Variants in GABRA4 observed in about 807,000 individuals in gnomAD.
GABRA4 encodes gamma-aminobutyric acid type A receptor subunit alpha4.
GABRA4 carries 12 observed loss-of-function variants against 49.7 expected under a neutral mutation model. The observed-to-expected ratio is 0.24, with a 90% CI of 0.15 to 0.39. GABRA4 has a LOEUF of 0.39. Ranked by LOEUF, GABRA4 falls within the 10% of genes least tolerant of loss-of-function variation. GABRA4 has a pLI of 1.00. For synonymous variants in GABRA4, 288 were observed against 240.2 expected, an observed-to-expected ratio of 1.20 and a Z score of -1.84; for missense variants, 506 against 686.0, an observed-to-expected ratio of 0.74 and a Z score of 2.93.
intron 7 of GABRA4, among the ~76,000 whole-genome samples, chr4:46,969,980 C>G (rs970521936): frequency 2.0e-5 from 3 of 151,338 alleles, no homozygotes; most frequent in African/African-American, 7.3e-5. Context: ...TGAGTTTCTC[C>G]AGTATACTTC....
At chr4:46,964,846 T>TC in intron 8 of GABRA4, 124 bp downstream of exon 8, 1 of 1,050,346 alleles carries the variant, frequency 9.5e-7, no homozygotes. Context: ...TTTATGTTTT[T>TC]CTGTATTTTT....
chr4:46,962,308 T>C (rs1722605731), intron 8 of GABRA4, among the ~76,000 whole-genome samples: 1 of 151,832 alleles, frequency 6.6e-6, no homozygotes, highest in Non-Finnish European at 1.5e-5. Flanking sequence ...TTTTTGTATG[T>C]CAATAGTTAA....
In GABRA4 at chr4:46,919,654, A is replaced by G. The variant is rs1010332204; in HGVS notation, c.*8571T>C. ...TGTACAACTAAACAAACAATTTTAA[A>G]ATTATTCAAGAGAAGAAAGAAGGGA... On this transcript the variant is annotated 3_prime_UTR_variant, in exon 9 of 9. Coordinates refer to ENST00000264318, the MANE Select transcript of GABRA4 (RefSeq NM_000809.4). 1 of 151,626 alleles carries G rather than the reference A, an allele frequency of 6.6e-6. No homozygotes were observed. The highest frequency in any genetic ancestry group is 2.4e-5 in the African/African-American group (1 of 41,426). 9.4% of individuals were successfully genotyped at this position (151,626 alleles called of 1,614,324 possible). A position where few individuals can be genotyped will look rare whatever the true frequency, so the allele number is the denominator to read the frequency against.
chr4:46,964,145 G>C (rs1280608547), intron 8 of GABRA4, among the ~76,000 whole-genome samples: 1 of 151,864 alleles, frequency 6.6e-6, no homozygotes, highest in Non-Finnish European at 1.5e-5. Flanking sequence ...CAAGTTAAGT[G>C]ACATAATCCA....
At chr4:46,942,317 G>T (rs756872461) in intron 8 of GABRA4, among the ~76,000 whole-genome samples, 2 of 151,966 alleles carry the variant, frequency 1.3e-5, no homozygotes, top group South Asian at 4.2e-4. Flanking sequence ...CCACTTCTTC[G>T]TCTGTCACTC....
rs1560454383 is a variant in GABRA4, at chr4:46,919,868, T to A, written c.*8357A>T. The A allele has an allele frequency of 6.6e-6, 1 of 151,716 alleles. No homozygotes were observed. Among genetic ancestry groups the A allele is most frequent in the Non-Finnish European group, 1.5e-5 (1 of 67,664 alleles). The allele number at this position is 151,716 out of a possible 1,614,324, so 9.4% of individuals were successfully genotyped here. ...TACAGACATTCAAAGTATTATCGCA[T>A]AGATACACCTTTGCATGAAAACCGG... On this transcript the variant is annotated 3_prime_UTR_variant, in exon 9 of 9. Transcript: ENST00000264318.
intron 8 of GABRA4, among the ~76,000 whole-genome samples, chr4:46,963,499 T>G (rs1722649856): frequency 6.6e-6 from 1 of 151,790 alleles, no homozygotes; most frequent in Non-Finnish European, 1.5e-5. Flanking sequence ...TCCTCATTTT[T>G]CTCTTACCAT....
chr4:46,935,747 C>T (rs559890902), intron 8 of GABRA4, among the ~76,000 whole-genome samples: 1 of 152,152 alleles, frequency 6.6e-6, no homozygotes, highest in African/African-American at 2.4e-5. Context: ...CAGCACGCCA[C>T]CATGGCACGT....
At chr4:46,989,120 GA>G (rs1292695040) in intron 2 of GABRA4, among the ~76,000 whole-genome samples, 1 of 152,180 alleles carries the variant, frequency 6.6e-6, no homozygotes, top group African/African-American at 2.4e-5. Context: ...TCTGTATTTG[GA>G]ACGTTTATTA....
chr4:46,947,268 C>T (rs571522706), intron 8 of GABRA4, among the ~76,000 whole-genome samples: 8 of 151,928 alleles, frequency 5.3e-5, no homozygotes, highest in Non-Finnish European at 1.0e-4. Flanking sequence ...ATTTGTTTAC[C>T]CCATTCCCCT....
intron 4 of GABRA4, 82 bp downstream of exon 4, chr4:46,977,328 G>GGGAC (rs1455794201): frequency 8.5e-5 from 63 of 741,460 alleles, no homozygotes; most frequent in Non-Finnish European, 1.2e-4. Flanking sequence ...AAGGGAGGGA[G>GGGAC]GAAGGAAGGA....
At chr4:46,982,045 G>A (rs1340129088) in intron 2 of GABRA4, among the ~76,000 whole-genome samples, 1 of 152,004 alleles carries the variant, frequency 6.6e-6, no homozygotes, top group Non-Finnish European at 1.5e-5. Flanking sequence ...AGAGTACAGT[G>A]GATAGAACAC....
chr4:46,947,967 C>T (rs1262173956), intron 8 of GABRA4, among the ~76,000 whole-genome samples: 1 of 152,108 alleles, frequency 6.6e-6, no homozygotes, highest in African/African-American at 2.4e-5. Flanking sequence ...TCCTCACTCC[C>T]AGGCCTGGCA....
intron 7 of GABRA4, among the ~76,000 whole-genome samples, chr4:46,968,777 A>T (rs1357159631): frequency 6.6e-6 from 1 of 151,558 alleles, no homozygotes; most frequent in East Asian, 1.9e-4. Flanking sequence ...ACACCACTGG[A>T]AATTTCTATT....
At chr4:46,966,396 A>G (rs1722753050) in intron 7 of GABRA4, among the ~76,000 whole-genome samples, 1 of 151,782 alleles carries the variant, frequency 6.6e-6, no homozygotes, top group Non-Finnish European at 1.5e-5. Flanking sequence ...AACCAAAGAA[A>G]TAATGAGTCC....
chr4:46,933,727 T>C (rs1259046872), intron 8 of GABRA4, among the ~76,000 whole-genome samples: 1 of 152,200 alleles, frequency 6.6e-6, no homozygotes. Flanking sequence ...TTGTGTTTCG[T>C]ACAGAGTGTA....
chr4:46,919,580 A>C lies in GABRA4; in HGVS notation c.*8645T>G, dbSNP rs1304153516. The C allele has an allele frequency of 6.6e-6, 1 of 151,618 alleles. No individual in the cohort carries two copies. Among genetic ancestry groups the C allele is most frequent in the Non-Finnish European group, 1.5e-5 (1 of 67,588 alleles). The allele number at this position is 151,618 out of a possible 1,614,324, so 9.4% of individuals were successfully genotyped here. ...CAAATTTAGTTTTTATGATATGAGG[A>C]AATATGCATTATTGTTTTTTTACTT... On this transcript the variant is annotated 3_prime_UTR_variant, in exon 9 of 9. Transcript: ENST00000264318.
intron 3 of GABRA4, among the ~76,000 whole-genome samples, chr4:46,978,279 AG>A (rs1723215522): frequency 6.6e-6 from 1 of 152,106 alleles, no homozygotes; most frequent in Admixed American, 6.6e-5. Context: ...ATGGGCAGCA[AG>A]CAATTAGATC....
chr4:46,985,312 A>G (rs1723492971), intron 2 of GABRA4, among the ~76,000 whole-genome samples: 1 of 152,074 alleles, frequency 6.6e-6, no homozygotes, highest in South Asian at 2.1e-4. Context: ...GAAGACAGGA[A>G]GATAGGATGG....
Sources: allele counts gnomAD v4.1 joint callset (sites outside exome capture counted in the v4.1 genomes callset), GRCh38; gene constraint gnomAD v4.1.1; transcripts MANE v1.5; gene names NCBI Gene and HGNC (gene_info 2026-07-23, HGNC 2026-07-21).